EDA: variants seen among roughly 807,000 people sequenced by gnomAD.
The protein encoded by EDA is ectodysplasin A.
In EDA, 2 loss-of-function variants were observed where a neutral mutation model predicts 23.6. The observed-to-expected ratio is 0.08, with a 90% CI of 0.03 to 0.27. The LOEUF is 0.27. Among genes scored for constraint, EDA ranks in the 10% least tolerant of loss-of-function variants. The pLI is 1.00. For synonymous variants in EDA, 131 were observed against 132.0 expected (o/e 0.99, Z 0.05); for missense variants, 229 against 324.2 (o/e 0.71, Z 2.26).
chrX:69,635,566 C>CTTTTTTTTTTTTTT (rs138087284), intron 1 of EDA, among the ~76,000 whole-genome samples: 3 of 63,471 alleles, frequency 4.7e-5, no homozygotes, highest in East Asian at 7.4e-4. Flanking sequence ...AACACCAAAT[C>CTTTTTTTTTTTTTT]TTTTTTTTTT....
chrX:69,882,256 TA>T (rs1331325382), intron 1 of EDA, among the ~76,000 whole-genome samples: 2 of 111,785 alleles, frequency 1.8e-5, no homozygotes, highest in Non-Finnish European at 3.8e-5. Flanking sequence ...CATGGAGTTA[TA>T]AAGAGTCTTC....
intron 1 of EDA, among the ~76,000 whole-genome samples, chrX:69,753,318 C>G (rs1324572076): frequency 1.8e-5 from 2 of 111,984 alleles, no homozygotes; most frequent in East Asian, 5.6e-4. Flanking sequence ...TTATTTCTGT[C>G]TTCATTTCGT....
chrX:69,844,329 A>G (rs1202335636), intron 1 of EDA, among the ~76,000 whole-genome samples: 6 of 112,451 alleles, frequency 5.3e-5, no homozygotes, highest in Admixed American at 2.8e-4. Flanking sequence ...GAATAATCCA[A>G]ATAGACTTTT....
chrX:69,753,670 G>A (rs1297995187), intron 1 of EDA, among the ~76,000 whole-genome samples: 3 of 111,357 alleles, frequency 2.7e-5, no homozygotes, highest in Non-Finnish European at 3.8e-5. Context: ...TGTTGACAGT[G>A]GGATGTTAAA....
Position 69,957,033 on chromosome X carries a change from C to T in EDA, c.403C>T (p.Leu135=), listed in dbSNP as rs765510570. ...GTACTTGTAATTTTTACAGATGGCCCTATTGAATTTCTTCTTCCCTGATGA... is the reference window on the plus strand; with the variant it reads ...GTACTTGTAATTTTTACAGATGGCCTTATTGAATTTCTTCTTCCCTGATGA... ...SDSQDGHQMA[L]LNFFFPDEKP... Residue 135 remains leucine, a synonymous_variant, in exon 2 of 8, where the codon CTA becomes TTA. Coordinates refer to ENST00000374552, the MANE Select transcript of EDA (RefSeq NM_001399.5). 4 of 1,207,423 alleles carry T rather than the reference C, an allele frequency of 3.3e-6. No homozygotes were observed. Among genetic ancestry groups the T allele is most frequent in the Non-Finnish European group, 4.5e-6 (4 of 893,270 alleles).
At chrX:69,791,700 G>A (rs981150148) in intron 1 of EDA, among the ~76,000 whole-genome samples, 3 of 110,957 alleles carry the variant, frequency 2.7e-5, no homozygotes, top group Non-Finnish European at 5.7e-5. Flanking sequence ...CTGGAGTGCA[G>A]TGGTACTGTC....
intron 1 of EDA, among the ~76,000 whole-genome samples, chrX:69,793,734 C>A (rs2015476698): frequency 9.1e-6 from 1 of 110,187 alleles, no homozygotes; most frequent in Admixed American, 9.8e-5. Flanking sequence ...AGAATCAAAA[C>A]TACCTATAAG....
chrX:69,891,799 ATAAT>A (rs780640844), intron 1 of EDA, among the ~76,000 whole-genome samples: 8 of 111,096 alleles, frequency 7.2e-5, no homozygotes, highest in Non-Finnish European at 1.3e-4. Context: ...ATCAGATAGA[ATAAT>A]TAGTGATGCT....
At chrX:69,633,386 C>T (rs1443200147) in intron 1 of EDA, among the ~76,000 whole-genome samples, 2 of 111,686 alleles carry the variant, frequency 1.8e-5, no homozygotes, top group Admixed American at 9.5e-5. Flanking sequence ...AAAATTCATC[C>T]TTTTAAAGTG....
At chrX:69,771,088 C>T (rs1444572861) in intron 1 of EDA, among the ~76,000 whole-genome samples, 2 of 110,611 alleles carry the variant, frequency 1.8e-5, no homozygotes, top group Admixed American at 9.6e-5. Flanking sequence ...GACAGAGTCT[C>T]GCTCTGTGGC....
At chrX:69,686,619 A>G (rs980330664) in intron 1 of EDA, among the ~76,000 whole-genome samples, 12 of 111,391 alleles carry the variant, frequency 1.1e-4, no homozygotes, top group African/African-American at 3.9e-4. Flanking sequence ...GCCCCTAGGA[A>G]TCATATATCT....
chrX:69,865,889 C>T (rs962632311), intron 1 of EDA, among the ~76,000 whole-genome samples: 2 of 112,293 alleles, frequency 1.8e-5, no homozygotes, highest in East Asian at 2.8e-4. Flanking sequence ...GTAAGTCTTA[C>T]GTCACATGAT....
intron 1 of EDA, among the ~76,000 whole-genome samples, chrX:69,881,687 G>A (rs1178618616): frequency 8.9e-6 from 1 of 111,744 alleles, no homozygotes; most frequent in African/African-American, 3.3e-5. Context: ...AGACACCTGA[G>A]ACTGGGTAAT....
rs1473607566 is a variant in EDA, at chrX:70,037,533, G to T, written c.*1924G>T. 1 of 112,249 alleles carries T rather than the reference G, an allele frequency of 8.9e-6. No homozygotes were observed. The highest frequency in any genetic ancestry group is 1.9e-5 in the Non-Finnish European group (1 of 53,280). 9.3% of individuals were successfully genotyped at this position (112,249 alleles called of 1,213,427 possible). ...ATAATATGACAAACATCATTGTTTA[G>T]ATGAGGCTCAGAGAGGTAGCACTCT... On this transcript the variant is annotated 3_prime_UTR_variant, in exon 8 of 8. Transcript: ENST00000374552.
At chrX:69,754,491 C>G (rs1299222987) in intron 1 of EDA, among the ~76,000 whole-genome samples, 2 of 111,662 alleles carry the variant, frequency 1.8e-5, no homozygotes, top group Non-Finnish European at 3.8e-5. Flanking sequence ...TCTGGCTGCC[C>G]TTAACATTTT....
At position 69,616,186 on chromosome X, in the gene EDA, C is replaced by A; in HGVS notation, c.-123C>A. 1.2e-6 allele frequency: 1 copy of A among 849,181 alleles called. No homozygotes were observed. The highest frequency in any genetic ancestry group is 1.6e-6 in the Non-Finnish European group (1 of 610,446). The allele number at this position is 849,181 out of a possible 1,213,427, so 70.0% of individuals were successfully genotyped here. A position where few individuals can be genotyped will look rare whatever the true frequency, so the allele number is the denominator to read the frequency against. On this transcript the variant is annotated 5_prime_UTR_variant, in exon 1 of 8. Transcript: ENST00000374552. ...TCCGTCCCGCCCAGCCACTGTCGCG[C>A]AGGAACGGGTCCCTGCAGCCCCCAG...
intron 2 of EDA, among the ~76,000 whole-genome samples, chrX:69,960,094 G>C (rs973911266): frequency 9.0e-6 from 1 of 111,600 alleles, no homozygotes; most frequent in African/African-American, 3.3e-5. Flanking sequence ...GACAGGATCT[G>C]ATGTATGTTT....
At chrX:69,981,676 T>C (rs1312084446) in intron 2 of EDA, among the ~76,000 whole-genome samples, 2 of 112,365 alleles carry the variant, frequency 1.8e-5, no homozygotes, top group East Asian at 5.6e-4. Context: ...TCAGACTTAC[T>C]GAATACCAAC....
At chrX:69,946,568 T>A (rs932960821) in intron 1 of EDA, among the ~76,000 whole-genome samples, 2 of 112,022 alleles carry the variant, frequency 1.8e-5, no homozygotes, top group Non-Finnish European at 3.8e-5. Context: ...CACTACTTAA[T>A]TTTTTTATAA....
Sources: allele counts gnomAD v4.1 joint callset (sites outside exome capture counted in the v4.1 genomes callset), GRCh38; gene constraint gnomAD v4.1.1; transcripts MANE v1.5; gene names NCBI Gene and HGNC (gene_info 2026-07-23, HGNC 2026-07-21).